Variants in FBXO16 observed in about 807,000 individuals in gnomAD.
FBXO16 encodes F-box protein 16, also known as F-box only protein 16.
In FBXO16, 31 loss-of-function variants were observed where a neutral mutation model predicts 41.0. The observed-to-expected ratio is 0.76, with a 90% confidence interval of 0.57 to 1.02. The LOEUF (loss-of-function observed/expected upper bound fraction) is 1.02, where lower values mean the gene tolerates loss of function less well. Among genes scored for constraint, FBXO16 ranks in the 50% least tolerant of loss-of-function variants. The pLI is 0.00. For synonymous variants in FBXO16, 133 were observed against 117.8 expected (o/e 1.13, Z -0.84); for missense variants, 361 against 346.2 (o/e 1.04, Z -0.34).
chr8:28,479,518 A>C (rs1803478535), intron 2 of FBXO16, among the ~76,000 whole-genome samples: 1 of 152,154 alleles, frequency 6.6e-6, no homozygotes, highest in Non-Finnish European at 1.5e-5. Context: ...CAAGGAATCT[A>C]ATTAACGCAT....
intron 3 of FBXO16, 104 bp downstream of exon 3, chr8:28,473,668 T>C (rs1314848501): frequency 1.1e-6 from 1 of 950,258 alleles, no homozygotes; most frequent in Non-Finnish European, 1.7e-6. Flanking sequence ...GAGTAAAATA[T>C]GTCTGTTATT....
chr8:28,433,716 G>C (rs1271807099), intron 7 of FBXO16, among the ~76,000 whole-genome samples: 2 of 152,130 alleles, frequency 1.3e-5, no homozygotes, highest in African/African-American at 4.8e-5. Flanking sequence ...TCTCATCTCA[G>C]GGCAATGGCT....
intron 3 of FBXO16, among the ~76,000 whole-genome samples, chr8:28,468,281 A>T (rs1175932017): frequency 6.6e-6 from 1 of 152,162 alleles, no homozygotes; most frequent in East Asian, 1.9e-4. Context: ...TCTTGACTCA[A>T]TATAACTATG....
intron 4 of FBXO16, among the ~76,000 whole-genome samples, chr8:28,460,179 A>T (rs1472124833): frequency 6.8e-6 from 1 of 147,984 alleles, no homozygotes; most frequent in East Asian, 2.0e-4. Context: ...TCTGGTATAT[A>T]ATTCCAGAAT....
At chr8:28,433,306 T>C (rs999704175) in intron 7 of FBXO16, among the ~76,000 whole-genome samples, 1 of 152,250 alleles carries the variant, frequency 6.6e-6, no homozygotes, top group African/African-American at 2.4e-5. Context: ...GCGTTTGACA[T>C]TGGAATTCTC....
intron 7 of FBXO16, among the ~76,000 whole-genome samples, chr8:28,444,579 G>A (rs908918638): frequency 1.3e-5 from 2 of 149,174 alleles, no homozygotes; most frequent in Non-Finnish European, 3.0e-5. Flanking sequence ...CTGGGTTCAC[G>A]CCATTCTCCT....
chr8:28,428,632 GA>G lies in FBXO16; in HGVS notation c.*94del. ...CAGGGTGCCTGTGAGGATGCTGCAT[GA>G]GAATTTCAGCTGTGGTGGCAGTGTC... On this transcript the variant is annotated 3_prime_UTR_variant, in exon 9 of 9. Transcript: ENST00000380254. 6.4e-7 allele frequency: 1 copy of G among 1,554,078 alleles called. No homozygotes were observed.
At chr8:28,451,564 T>TA (rs1802954027) in intron 6 of FBXO16, among the ~76,000 whole-genome samples, 1 of 151,426 alleles carries the variant, frequency 6.6e-6, no homozygotes, top group Non-Finnish European at 1.5e-5. Context: ...ATTTTATATA[T>TA]ATATATTACA....
intron 2 of FBXO16, among the ~76,000 whole-genome samples, chr8:28,480,081 A>G (rs1306267658): frequency 6.6e-6 from 1 of 151,810 alleles, no homozygotes; most frequent in African/African-American, 2.4e-5. Flanking sequence ...TGGCTAGATG[A>G]AGGCTGAATC....
intron 7 of FBXO16, among the ~76,000 whole-genome samples, chr8:28,430,666 A>G (rs901153458): frequency 2.0e-5 from 3 of 152,196 alleles, no homozygotes; most frequent in Admixed American, 6.5e-5. Flanking sequence ...GTAACAATGA[A>G]GATAAAAATA....
At chr8:28,436,674 T>G (rs2130084241) in intron 7 of FBXO16, among the ~76,000 whole-genome samples, 1 of 152,262 alleles carries the variant, frequency 6.6e-6, no homozygotes, top group South Asian at 2.1e-4. Flanking sequence ...AAAATTGGCT[T>G]CCAGTGTAGT....
chr8:28,443,255 C>A (rs1802808492), intron 7 of FBXO16, among the ~76,000 whole-genome samples: 1 of 152,050 alleles, frequency 6.6e-6, no homozygotes, highest in African/African-American at 2.4e-5. Context: ...AAACTCCTGG[C>A]CTCAATTATT....
intron 4 of FBXO16, among the ~76,000 whole-genome samples, chr8:28,460,390 T>TTAGCCTCTCAA (rs1803112947): frequency 1.4e-5 from 2 of 146,958 alleles, no homozygotes; most frequent in Admixed American, 6.9e-5. Flanking sequence ...CTCAAGTAGC[T>TTAGCCTCTCAA]GGGACTCTAG....
At chr8:28,483,112 T>C (rs1431838640) in intron 2 of FBXO16, among the ~76,000 whole-genome samples, 2 of 151,738 alleles carry the variant, frequency 1.3e-5, no homozygotes, top group Non-Finnish European at 2.9e-5. Context: ...AAGGTGACAG[T>C]GGGGGAAAGA....
Position 28,463,764 on chromosome 8 carries a change from G to A in FBXO16, c.190C>T (p.Arg64Cys), listed in dbSNP as rs767440497. 5.6e-6 allele frequency: 9 copies of A among 1,613,960 alleles called. No homozygotes were observed. Among genetic ancestry groups the A allele is most frequent in the East Asian group, 2.2e-5 (1 of 44,906 alleles). Reference protein sequence around the residue: ...RRRILTGLLERCSLSQQKFCC... With the variant: ...RRRILTGLLECCSLSQQKFCC... ...AACTTTTGCTGGGACAGCGAGCAGC[G>A]CTCCAACAGGCCTGTGAGGATTCTT... is the stretch of plus-strand genomic sequence containing the variant. Residue 64 changes from arginine (R) to cysteine (C), a missense_variant, in exon 4 of 9, where the codon CGC becomes TGC. Coordinates refer to ENST00000380254, the MANE Select transcript of FBXO16 (RefSeq NM_172366.4).
rs114010080 is a variant in FBXO16 at position 28,475,968 on chromosome 8, C to G, written c.100-2161G>C. On this transcript the variant is annotated intron_variant, in intron 2 of 8. Coordinates refer to ENST00000380254, the MANE Select transcript of FBXO16 (RefSeq NM_172366.4). ...AATCCCTGGGTCCAAACTGTGTGTT[C>G]AGCTCAACACTGCACTTGATTCCTC... 6.3e-3 allele frequency among the ~76,000 whole-genome samples: 958 copies of G among 152,272 alleles called. 7 individuals are homozygous for G. Among genetic ancestry groups the G allele is most frequent in the African/African-American group, 0.022 (920 of 41,536 alleles).
At chr8:28,441,910 A>ACGTG (rs1802784811) in intron 7 of FBXO16, among the ~76,000 whole-genome samples, 1 of 107,896 alleles carries the variant, frequency 9.3e-6, no homozygotes, top group African/African-American at 4.6e-5. Context: ...GTATATATAT[A>ACGTG]TGTGTGTGTG....
At chr8:28,476,791 T>C (rs1013517846) in intron 2 of FBXO16, among the ~76,000 whole-genome samples, 1 of 152,204 alleles carries the variant, frequency 6.6e-6, no homozygotes, top group Non-Finnish European at 1.5e-5. Context: ...AACACTTTTT[T>C]AACATGTACT....
chr8:28,449,413 C>T (rs1446186443), intron 6 of FBXO16, among the ~76,000 whole-genome samples: 7 of 149,848 alleles, frequency 4.7e-5, no homozygotes, highest in African/African-American at 1.7e-4. Flanking sequence ...CCTCCACTTC[C>T]TGGGCTCAAG....
Sources: allele counts gnomAD v4.1 joint callset (sites outside exome capture counted in the v4.1 genomes callset), GRCh38; gene constraint gnomAD v4.1.1; transcripts MANE v1.5; gene names NCBI Gene and HGNC (gene_info 2026-07-23, HGNC 2026-07-21).